PPFIBP2: variants seen among roughly 807,000 people sequenced by gnomAD.
PPFIBP2 encodes liprin-beta-2.
Under a neutral mutation model 118.3 loss-of-function variants are expected in PPFIBP2, and 118 were observed. The ratio of observed to expected loss-of-function variants is 1.00; its 90% CI spans 0.86 to 1.16. The LOEUF (loss-of-function observed/expected upper bound fraction) is 1.16. PPFIBP2 is among the 50% of genes most tolerant of loss of function. The pLI, the probability that PPFIBP2 is intolerant of heterozygous loss-of-function variation, is 0.00. For missense variants in PPFIBP2, 1,195 were observed against 1,073.1 expected, an observed-to-expected ratio of 1.11 and a Z score of -1.59; for synonymous variants, 414 against 397.4, an observed-to-expected ratio of 1.04 and a Z score of -0.50.
At chr11:7,524,599 G>A (rs375678432) in intron 1 of PPFIBP2, among the ~76,000 whole-genome samples, 3 of 152,158 alleles carry the variant, frequency 2.0e-5, no homozygotes, top group Non-Finnish European at 4.4e-5. Context: ...TTTATTGTCC[G>A]AACTGAACAC....
the PPFIBP2 span, among the ~76,000 whole-genome samples, chr11:7,664,765 A>C: frequency 2.0e-5 from 3 of 152,202 alleles, no homozygotes; most frequent in East Asian, 1.9e-4. Context: ...AGGATCCCCA[A>C]GGAGACAGTG....
chr11:7,601,500 C>T (rs897534265), intron 5 of PPFIBP2, among the ~76,000 whole-genome samples: 1 of 152,074 alleles, frequency 6.6e-6, no homozygotes, highest in Non-Finnish European at 1.5e-5. Flanking sequence ...CAGACAGCTA[C>T]AAGCATCTCA....
chr11:7,656,512 A>T (rs914494294), downstream of PPFIBP2, among the ~76,000 whole-genome samples: 1 of 152,216 alleles, frequency 6.6e-6, no homozygotes, highest in Non-Finnish European at 1.5e-5. Flanking sequence ...GCCTGAAAAT[A>T]GAAAATTTAT....
chr11:7,631,168 C>G (rs758571524), intron 11 of PPFIBP2, 140 bp downstream of exon 11: 18 of 664,932 alleles, frequency 2.7e-5, no homozygotes, highest in Non-Finnish European at 4.8e-5. Flanking sequence ...GCCCCTCAGG[C>G]TGTGATGGGG....
chr11:7,632,820 C>T, intron 11 of PPFIBP2, 47 bp from the exon 12 acceptor site: 10 of 1,483,700 alleles, frequency 6.7e-6, no homozygotes, highest in Non-Finnish European at 8.5e-6. Flanking sequence ...GGTGGGTGGT[C>T]CCCAAACAGA....
At chr11:7,656,015 A>C (rs1854653148), downstream of PPFIBP2, among the ~76,000 whole-genome samples, 1 of 152,170 alleles carries the variant, frequency 6.6e-6, no homozygotes, top group Admixed American at 6.5e-5. Context: ...TTTGGCCTCG[A>C]AAAGCAGCTT....
intron 1 of PPFIBP2, among the ~76,000 whole-genome samples, chr11:7,544,798 A>AG (rs1438024146): frequency 7.3e-6 from 1 of 136,322 alleles, no homozygotes; most frequent in Non-Finnish European, 1.6e-5. Context: ...AAAAAAAAAA[A>AG]TCTACTTCCC....
At chr11:7,541,552 C>G (rs577634113) in intron 1 of PPFIBP2, among the ~76,000 whole-genome samples, 1 of 152,286 alleles carries the variant, frequency 6.6e-6, no homozygotes, top group African/African-American at 2.4e-5. Flanking sequence ...TTGTCCATTC[C>G]TCTTCTCCCC....
chr11:7,515,615 G>A (rs1438066887), intron 1 of PPFIBP2, among the ~76,000 whole-genome samples: 1 of 152,216 alleles, frequency 6.6e-6, no homozygotes, highest in Admixed American at 6.5e-5. Context: ...GGGCAGGCAG[G>A]CATGGACTCA....
rs1243874155 is a variant in PPFIBP2, at chr11:7,641,734, A to T, written c.1517+114A>T. 18 of 1,066,506 alleles carry T rather than the reference A, an allele frequency of 1.7e-5. 1 individual carries two copies. The South Asian group carries it at 2.0e-4, about 12-fold the overall frequency. 66.1% of individuals were successfully genotyped at this position (1,066,506 alleles called of 1,614,324 possible). ...GACACTGAAACAGCAGTCAAAACAG[A>T]GTGTTCATGTTCAAAGAGAAGAATC... On this transcript the variant is annotated intron_variant, in intron 16 of 23. Transcript: ENST00000299492.
chr11:7,562,974 T>TACACACACACACAC, intron 2 of PPFIBP2, among the ~76,000 whole-genome samples: 1 of 119,356 alleles, frequency 8.4e-6, no homozygotes, highest in African/African-American at 3.0e-5. Flanking sequence ...TATATATATA[T>TACACACACACACAC]ATACACGCAC....
rs1020760308 is a variant in PPFIBP2 at position 7,597,560 on chromosome 11, G to A, written c.373G>A (p.Val125Met). The A allele has an allele frequency of 5.0e-6, 8 of 1,613,248 alleles. No individual in the cohort carries two copies. Among genetic ancestry groups the A allele is most frequent in the Non-Finnish European group, 6.8e-6 (8 of 1,179,534 alleles). Residue 125 changes from valine (V) to methionine (M), a missense_variant and splice_region_variant, in exon 5 of 24, where the codon GTG becomes ATG. Val to Met is a conservative substitution (Grantham distance 21, BLOSUM62 1). Coordinates refer to ENST00000299492, the MANE Select transcript of PPFIBP2 (RefSeq NM_003621.5). ...EGDKESLILQ[V>M]SVLTDQVEAQ... is the part of the protein sequence containing the mutation. ...ACCATTGCTTTATTTCCTGGAACAG[G>A]TGAGTGTCCTCACAGACCAAGTAGA...
chr11:7,603,207 T>C (rs1162512808), intron 5 of PPFIBP2, among the ~76,000 whole-genome samples: 1 of 152,216 alleles, frequency 6.6e-6, no homozygotes, highest in Non-Finnish European at 1.5e-5. Flanking sequence ...TTTCAAATAT[T>C]CCCCAAAATT....
At chr11:7,611,699 T>G (rs555318356) in intron 6 of PPFIBP2, among the ~76,000 whole-genome samples, 38 of 152,336 alleles carry the variant, frequency 2.5e-4, no homozygotes, top group African/African-American at 9.1e-4. Context: ...TACTTCCAAT[T>G]TCTTTGGTTA....
chr11:7,626,834 C>T (rs867554418), intron 8 of PPFIBP2, among the ~76,000 whole-genome samples: 1 of 152,234 alleles, frequency 6.6e-6, no homozygotes, highest in Non-Finnish European at 1.5e-5. Context: ...ATCCTGGCCT[C>T]AGCACTGCAA....
chr11:7,646,270 A>C (rs1318164459), intron 17 of PPFIBP2, among the ~76,000 whole-genome samples: 2 of 152,250 alleles, frequency 1.3e-5, no homozygotes, highest in Admixed American at 1.3e-4. Flanking sequence ...AATTCAAAGA[A>C]TGTTTAAGAT....
At chr11:7,632,057 C>G (rs541025150) in intron 11 of PPFIBP2, among the ~76,000 whole-genome samples, 12 of 152,204 alleles carry the variant, frequency 7.9e-5, no homozygotes, top group Non-Finnish European at 1.8e-4. Flanking sequence ...GCCTGTGATG[C>G]TAGGTGCACT....
At chr11:7,590,674 T>C (rs1318332259) in intron 3 of PPFIBP2, among the ~76,000 whole-genome samples, 1 of 152,244 alleles carries the variant, frequency 6.6e-6, no homozygotes, top group Non-Finnish European at 1.5e-5. Context: ...CTGGCACATG[T>C]TGAGCACAAG....
At chr11:7,544,072 G>A (rs1010178781) in intron 1 of PPFIBP2, among the ~76,000 whole-genome samples, 4 of 152,206 alleles carry the variant, frequency 2.6e-5, no homozygotes, top group African/African-American at 9.6e-5. Context: ...AGGACCCCCA[G>A]CCTCAGATGC....
Sources: allele counts gnomAD v4.1 joint callset (sites outside exome capture counted in the v4.1 genomes callset), GRCh38; gene constraint gnomAD v4.1.1; transcripts MANE v1.5; gene names NCBI Gene and HGNC (gene_info 2026-07-23, HGNC 2026-07-21).